Variants in MAF observed in about 807,000 individuals in gnomAD.
MAF encodes the protein transcription factor Maf.
In MAF, 10 loss-of-function variants were observed where a neutral mutation model predicts 22.0. The ratio of observed to expected loss-of-function variants is 0.45; its 90% CI spans 0.28 to 0.77. MAF has a LOEUF of 0.77. Ranked by LOEUF, MAF falls within the 30% of genes least tolerant of loss-of-function variation. The pLI, the probability that MAF is intolerant of heterozygous loss-of-function variation, is 0.12. For synonymous variants in MAF, 337 were observed against 255.8 expected (o/e 1.32, Z -3.03); for missense variants, 544 against 548.4 (o/e 0.99, Z 0.08).
At chr16:79,432,291 G>A in the MAF span, among the ~76,000 whole-genome samples, 107 of 152,202 alleles carry the variant, frequency 7.0e-4, no homozygotes, top group African/African-American at 2.0e-3. Flanking sequence ...CTAGCCATGC[G>A]GATCTGTGGG....
At chr16:79,568,821 T>C in the MAF span, among the ~76,000 whole-genome samples, 1 of 152,182 alleles carries the variant, frequency 6.6e-6, no homozygotes, top group Non-Finnish European at 1.5e-5. Flanking sequence ...CTAACAGAAA[T>C]GGCAATAATA....
At chr16:79,484,176 A>T in the MAF span, among the ~76,000 whole-genome samples, 2 of 152,182 alleles carry the variant, frequency 1.3e-5, no homozygotes, top group African/African-American at 4.8e-5. Context: ...GGACCTGCCG[A>T]CAGTCACCTA....
At chr16:79,551,635 T>C in the MAF span, among the ~76,000 whole-genome samples, 4 of 152,216 alleles carry the variant, frequency 2.6e-5, no homozygotes, top group African/African-American at 4.8e-5. Flanking sequence ...AAATCCCCAC[T>C]GTTTGTTCTT....
chr16:79,412,397 C>T, the MAF span, among the ~76,000 whole-genome samples: 1 of 152,162 alleles, frequency 6.6e-6, no homozygotes, highest in South Asian at 2.1e-4. Context: ...GTGTTTCCTC[C>T]ATTGTGAGTA....
At chr16:79,476,112 C>T in the MAF span, among the ~76,000 whole-genome samples, 1 of 152,154 alleles carries the variant, frequency 6.6e-6, no homozygotes, top group South Asian at 2.1e-4. Context: ...GCAGCAGAAA[C>T]TTTCTCTTGC....
At chr16:79,300,050 G>A in the MAF span, among the ~76,000 whole-genome samples, 9 of 152,190 alleles carry the variant, frequency 5.9e-5, no homozygotes, top group Admixed American at 5.2e-4. Context: ...CTCTTCCGCA[G>A]CACCCAGGAT....
chr16:79,545,326 C>A, the MAF span, among the ~76,000 whole-genome samples: 1 of 152,124 alleles, frequency 6.6e-6, no homozygotes, highest in African/African-American at 2.4e-5. Flanking sequence ...GAATGCAGAA[C>A]TGGACATGCT....
chr16:79,515,684 C>T, the MAF span, among the ~76,000 whole-genome samples: 1 of 152,196 alleles, frequency 6.6e-6, no homozygotes, highest in Non-Finnish European at 1.5e-5. Context: ...AGATAAGAGG[C>T]TGGGCCGTGC....
At chr16:79,269,362 G>C in the MAF span, among the ~76,000 whole-genome samples, 1 of 152,154 alleles carries the variant, frequency 6.6e-6, no homozygotes. Flanking sequence ...AATCCAGCCT[G>C]TAGGTTTACA....
At chr16:79,220,959 C>A in the MAF span, among the ~76,000 whole-genome samples, 1 of 152,172 alleles carries the variant, frequency 6.6e-6, no homozygotes. Flanking sequence ...TCTTTCCCGT[C>A]TGGAACCAAG....
chr16:79,385,842 G>C, the MAF span, among the ~76,000 whole-genome samples: 1 of 152,176 alleles, frequency 6.6e-6, no homozygotes, highest in Non-Finnish European at 1.5e-5. Flanking sequence ...AGAGGTTGGA[G>C]GTTGCAGTGA....
chr16:79,440,844 T>C, the MAF span, among the ~76,000 whole-genome samples: 2 of 152,248 alleles, frequency 1.3e-5, no homozygotes, highest in East Asian at 1.9e-4. Flanking sequence ...CACTTGGCTC[T>C]TGGTCTGTTT....
the MAF span, among the ~76,000 whole-genome samples, chr16:79,575,000 T>C: frequency 2.0e-5 from 3 of 151,474 alleles, no homozygotes; most frequent in African/African-American, 7.3e-5. Flanking sequence ...TCAATCCTAA[T>C]TGTACATCAG....
the MAF span, among the ~76,000 whole-genome samples, chr16:79,244,377 A>T: frequency 1.3e-5 from 2 of 152,154 alleles, no homozygotes; most frequent in African/African-American, 4.8e-5. Flanking sequence ...GTCTCAGCAT[A>T]CAAAATCAAT....
chr16:79,220,881 G>C, the MAF span, among the ~76,000 whole-genome samples: 2 of 152,194 alleles, frequency 1.3e-5, no homozygotes, highest in Admixed American at 6.5e-5. Flanking sequence ...CAGATGACCT[G>C]CCTGTCTGGC....
the MAF span, among the ~76,000 whole-genome samples, chr16:79,307,334 G>A: frequency 9.2e-5 from 14 of 152,328 alleles, no homozygotes; most frequent in East Asian, 2.7e-3. Flanking sequence ...AGGGCTTTGA[G>A]GTCCCAGACG....
the MAF span, among the ~76,000 whole-genome samples, chr16:79,522,474 A>G: frequency 6.6e-6 from 1 of 152,184 alleles, no homozygotes; most frequent in Admixed American, 6.5e-5. Flanking sequence ...AATAACTATC[A>G]ACTCAAAAAT....
At chr16:79,543,494 T>C in the MAF span, among the ~76,000 whole-genome samples, 3 of 152,182 alleles carry the variant, frequency 2.0e-5, no homozygotes, top group African/African-American at 2.4e-5. Flanking sequence ...GTTCTCAAGA[T>C]GGCGGGCAGT....
At chr16:79,553,427 T>A in the MAF span, among the ~76,000 whole-genome samples, 3 of 152,168 alleles carry the variant, frequency 2.0e-5, no homozygotes, top group Non-Finnish European at 4.4e-5. Context: ...ACCTTATGCC[T>A]CTCCTGTTAC....
Sources: allele counts gnomAD v4.1 joint callset (sites outside exome capture counted in the v4.1 genomes callset), GRCh38; gene constraint gnomAD v4.1.1; transcripts MANE v1.5; gene names NCBI Gene and HGNC (gene_info 2026-07-23, HGNC 2026-07-21).